FBXO28: variants seen among roughly 807,000 people sequenced by gnomAD.
The protein encoded by FBXO28 is F-box protein 28.
In FBXO28, 8 loss-of-function variants were observed where a neutral mutation model predicts 38.1. That is an observed-to-expected ratio of 0.21 (90% CI 0.12 to 0.38). The LOEUF is 0.38. FBXO28 is among the 10% of genes least tolerant of loss of function. The pLI is 1.00. For missense variants in FBXO28, 345 were observed against 460.6 expected (o/e 0.75, Z 2.30); for synonymous variants, 168 against 173.8 (o/e 0.97, Z 0.26).
chr1:224,118,578 C>T lies in FBXO28; in HGVS notation c.267+4182C>T, dbSNP rs572176991. ...TTTGTCTCAAGATATTTCTCTAGAG[C>T]ACTTTAGCTAATTAAATCTATTACC... On this transcript the variant is annotated intron_variant, in intron 1 of 4. Transcript: ENST00000366862. Among the ~76,000 whole-genome samples, 4 of 152,300 alleles carry T rather than the reference C, an allele frequency of 2.6e-5. No homozygotes were observed. In the East Asian group the frequency reaches 7.7e-4, roughly 29 times the overall value.
At chr1:224,118,313 A>T (rs969470396) in intron 1 of FBXO28, among the ~76,000 whole-genome samples, 2 of 151,900 alleles carry the variant, frequency 1.3e-5, no homozygotes, top group African/African-American at 4.8e-5. Flanking sequence ...AAAAAAAATT[A>T]TCCTGTTTCA....
chr1:224,157,929 A>C lies in FBXO28; in HGVS notation c.*183A>C, dbSNP rs1419749171. ...GCTTCTCCTGATTGAACTGATGCAC[A>C]GAATCTTTTTACTTTGCAATAGATT... On this transcript the variant is annotated 3_prime_UTR_variant, in exon 5 of 5. Transcript: ENST00000366862. The C allele has an allele frequency of 5.0e-6, 7 of 1,406,948 alleles. No individual in the cohort carries two copies. The Admixed American group carries it at 9.7e-5, about 20-fold the overall frequency. 87.2% of individuals were successfully genotyped at this position (1,406,948 alleles called of 1,614,324 possible). A position where few individuals can be genotyped will look rare whatever the true frequency, so the allele number is the denominator to read the frequency against.
intron 1 of FBXO28, among the ~76,000 whole-genome samples, chr1:224,123,810 A>G (rs918160993): frequency 6.6e-6 from 1 of 152,150 alleles, no homozygotes; most frequent in African/African-American, 2.4e-5. Flanking sequence ...TTTGTAAAAC[A>G]ATCAGTTAAG....
intron 3 of FBXO28, among the ~76,000 whole-genome samples, chr1:224,145,025 T>C (rs1657464412): frequency 6.6e-6 from 1 of 152,010 alleles, no homozygotes; most frequent in South Asian, 2.1e-4. Context: ...CTCACACCTA[T>C]AATCCTAGCA....
chr1:224,144,849 T>C (rs1381195954), intron 3 of FBXO28, among the ~76,000 whole-genome samples: 4 of 152,100 alleles, frequency 2.6e-5, no homozygotes, highest in Non-Finnish European at 4.4e-5. Flanking sequence ...TTTACAAACA[T>C]GTATTCCCTG....
intron 3 of FBXO28, among the ~76,000 whole-genome samples, chr1:224,150,265 A>G (rs1366444153): frequency 6.6e-6 from 1 of 152,206 alleles, no homozygotes. Context: ...TGGAGGTTAC[A>G]GTGAACCAAT....
intron 3 of FBXO28, among the ~76,000 whole-genome samples, chr1:224,138,632 T>C (rs1395844518): frequency 6.6e-6 from 1 of 151,946 alleles, no homozygotes; most frequent in East Asian, 1.9e-4. Flanking sequence ...AGTTCACATA[T>C]ACTGACACAC....
chr1:224,123,273 G>A (rs1014277349), intron 1 of FBXO28, among the ~76,000 whole-genome samples: 18 of 151,866 alleles, frequency 1.2e-4, no homozygotes, highest in Admixed American at 1.1e-3. Flanking sequence ...GCTGGGCGCA[G>A]TGGTTCATGC....
At chr1:224,155,449 G>A (rs1009130893) in intron 4 of FBXO28, among the ~76,000 whole-genome samples, 2 of 152,204 alleles carry the variant, frequency 1.3e-5, no homozygotes, top group African/African-American at 2.4e-5. Context: ...ACAGGCATGA[G>A]CCACCACACC....
chr1:224,160,955 A>G lies in FBXO28; in HGVS notation c.*3209A>G, dbSNP rs1312219454. 2 of 152,234 alleles carry G rather than the reference A, an allele frequency of 1.3e-5. No homozygotes were observed. Among genetic ancestry groups the G allele is most frequent in the Non-Finnish European group, 2.9e-5 (2 of 68,034 alleles). The allele number at this position is 152,234 out of a possible 1,614,324, so 9.4% of individuals were successfully genotyped here. A position where few individuals can be genotyped will look rare whatever the true frequency, so the allele number is the denominator to read the frequency against. ...GAGAAAATGGACATAAAACTAGGCT[A>G]TGTGTAATAAAAATAATGGCACCTT... On this transcript the variant is annotated 3_prime_UTR_variant, in exon 5 of 5. Transcript: ENST00000366862.
At chr1:224,148,186 ATAT>A (rs1307563143) in intron 3 of FBXO28, among the ~76,000 whole-genome samples, 1 of 152,198 alleles carries the variant, frequency 6.6e-6, no homozygotes, top group African/African-American at 2.4e-5. Flanking sequence ...AGTAAAGATA[ATAT>A]TTCACAAATT....
intron 1 of FBXO28, among the ~76,000 whole-genome samples, chr1:224,127,475 T>G (rs1349943550): frequency 1.3e-5 from 2 of 152,142 alleles, no homozygotes; most frequent in Non-Finnish European, 2.9e-5. Flanking sequence ...AATGTTTTGT[T>G]TTGGAAAAAA....
intron 3 of FBXO28, among the ~76,000 whole-genome samples, chr1:224,141,384 T>C (rs1369681288): frequency 6.7e-6 from 1 of 150,020 alleles, no homozygotes; most frequent in African/African-American, 2.5e-5. Flanking sequence ...GGCAGGAGAA[T>C]GGTGTGAACC....
intron 2 of FBXO28, among the ~76,000 whole-genome samples, chr1:224,133,100 G>C (rs1289852573): frequency 6.6e-6 from 1 of 152,294 alleles, no homozygotes; most frequent in Admixed American, 6.5e-5. Context: ...GGAAAACTAT[G>C]CTAAATGAAA....
intron 1 of FBXO28, among the ~76,000 whole-genome samples, chr1:224,122,080 A>T (rs1161419954): frequency 6.6e-6 from 1 of 152,098 alleles, no homozygotes; most frequent in Non-Finnish European, 1.5e-5. Flanking sequence ...CCCCAAATAG[A>T]ATTTTTTTTA....
At chr1:224,148,387 A>G (rs1318826189) in intron 3 of FBXO28, among the ~76,000 whole-genome samples, 1 of 152,194 alleles carries the variant, frequency 6.6e-6, no homozygotes, top group Non-Finnish European at 1.5e-5. Flanking sequence ...ACGGTGGCTC[A>G]CGCCTGCAAT....
intron 1 of FBXO28, among the ~76,000 whole-genome samples, chr1:224,125,096 T>A (rs1225472190): frequency 6.6e-6 from 1 of 151,966 alleles, no homozygotes; most frequent in East Asian, 1.9e-4. Flanking sequence ...TATTGCCTAA[T>A]GTTTAAAATA....
chr1:224,122,112 A>C (rs1656793944), intron 1 of FBXO28, among the ~76,000 whole-genome samples: 1 of 152,136 alleles, frequency 6.6e-6, no homozygotes. Flanking sequence ...ATTCTTTTGG[A>C]AGAGGTGGGA....
intron 1 of FBXO28, among the ~76,000 whole-genome samples, chr1:224,119,173 G>A (rs1250933753): frequency 3.3e-5 from 4 of 121,312 alleles, no homozygotes; most frequent in South Asian, 5.0e-4. Flanking sequence ...TCGCTCTGTC[G>A]CCCAGGCTGG....
Sources: allele counts gnomAD v4.1 joint callset (sites outside exome capture counted in the v4.1 genomes callset), GRCh38; gene constraint gnomAD v4.1.1; transcripts MANE v1.5; gene names NCBI Gene and HGNC (gene_info 2026-07-23, HGNC 2026-07-21).